Variants in ANKRD28 observed in about 807,000 individuals in gnomAD.
ANKRD28 encodes ankyrin repeat domain 28, also known as serine/threonine-protein phosphatase 6 regulatory ankyrin repeat subunit A.
ANKRD28 carries 44 observed loss-of-function variants against 126.5 expected under a neutral mutation model. The ratio of observed to expected loss-of-function variants is 0.35; its 90% CI spans 0.27 to 0.45. The LOEUF (loss-of-function observed/expected upper bound fraction) is 0.45. Ranked by LOEUF, ANKRD28 falls within the 20% of genes least tolerant of loss-of-function variation. The pLI is 1.00. For missense variants in ANKRD28, 1,110 were observed against 1,316.6 expected, an observed-to-expected ratio of 0.84 and a Z score of 2.43; for synonymous variants, 442 against 468.5, an observed-to-expected ratio of 0.94 and a Z score of 0.73.
chr3:15,772,214 A>T (rs1325936900), intron 2 of ANKRD28, among the ~76,000 whole-genome samples: 3 of 152,186 alleles, frequency 2.0e-5, no homozygotes, highest in Admixed American at 6.5e-5. Flanking sequence ...AAAATGATAA[A>T]GATGAAAACA....
chr3:15,688,062 T>C (rs370066960), intron 18 of ANKRD28, among the ~76,000 whole-genome samples: 160 of 152,252 alleles, frequency 1.1e-3, no homozygotes, highest in African/African-American at 3.8e-3. Context: ...GAGTAACCTG[T>C]GGTTCTTTTT....
At chr3:15,788,535 A>C (rs2059884980) in intron 2 of ANKRD28, among the ~76,000 whole-genome samples, 1 of 152,122 alleles carries the variant, frequency 6.6e-6, no homozygotes, top group African/African-American at 2.4e-5. Context: ...AGTAATACAA[A>C]ATGGCTTATG....
chr3:15,796,794 A>C lies in ANKRD28; in HGVS notation c.-273T>G. ...AGAAGAAATTTCACACCAACATGTCAATAACTAAAACTGAGTCCAAGCTCA... is the reference window on the plus strand; with the variant it reads ...AGAAGAAATTTCACACCAACATGTCCATAACTAAAACTGAGTCCAAGCTCA... On this transcript the variant is annotated 5_prime_UTR_variant, in exon 1 of 28. It adds an upstream start codon to the 5' untranslated region. Coordinates refer to ENST00000683139, the MANE Select transcript of ANKRD28 (RefSeq NM_001349278.2). 1 of 991,604 alleles carries C rather than the reference A, an allele frequency of 1.0e-6. No homozygotes were observed. Among genetic ancestry groups the C allele is most frequent in the Non-Finnish European group, 1.2e-6 (1 of 833,336 alleles). The allele number at this position is 991,604 out of a possible 1,614,324, so 61.4% of individuals were successfully genotyped here. A position where few individuals can be genotyped will look rare whatever the true frequency, so the allele number is the denominator to read the frequency against.
chr3:15,793,380 C>CA (rs1490943685), intron 2 of ANKRD28, among the ~76,000 whole-genome samples: 1 of 152,128 alleles, frequency 6.6e-6, no homozygotes, highest in Non-Finnish European at 1.5e-5. Flanking sequence ...AAGTTGTTGT[C>CA]AAAAACCTTT....
intron 1 of ANKRD28, among the ~76,000 whole-genome samples, chr3:15,823,625 GAAAC>G (rs2060993751): frequency 6.6e-6 from 1 of 152,002 alleles, no homozygotes; most frequent in African/African-American, 2.4e-5. Context: ...ACATCATGAG[GAAAC>G]AATAAACTAA....
Position 15,812,541 on chromosome 3 carries a change from T to C in ANKRD28, c.28-17235A>G, listed in dbSNP as rs2060737878. 6.6e-6 allele frequency among the ~76,000 whole-genome samples: 1 copy of C among 152,360 alleles called. No homozygotes were observed. The highest frequency in any genetic ancestry group is 1.9e-4 in the East Asian group (1 of 5,194). On this transcript the variant is annotated intron_variant, in intron 1 of 27. Transcript: ENST00000399451. This position sits in a 1 kb window ranked among gnomAD's most constrained non-coding sequence, Gnocchi z 4.1. The stretch of plus-strand genomic sequence containing the variant: ...TAATACTGAGGGTATCTGCTATTTG[T>C]TACCATTTTCTTAATCAAATTTTAC...
At chr3:15,801,170 A>T (rs888439913), upstream of ANKRD28, among the ~76,000 whole-genome samples, 1 of 152,128 alleles carries the variant, frequency 6.6e-6, no homozygotes, top group Non-Finnish European at 1.5e-5. The surrounding 1 kb of genome is among the most constrained non-coding windows in gnomAD (Gnocchi z 4.9). Flanking sequence ...TAATCCTTCT[A>T]TTCTTTATAC....
At chr3:15,809,276 G>A (rs1167690239) in intron 1 of ANKRD28, among the ~76,000 whole-genome samples, 2 of 152,124 alleles carry the variant, frequency 1.3e-5, no homozygotes, top group Non-Finnish European at 2.9e-5. Flanking sequence ...CCTCACCTAA[G>A]CTATCATAAC....
In ANKRD28 at chr3:15,795,205, G is replaced by A. The variant is rs1311518946; in HGVS notation, c.201+18C>T. 5 of 1,538,000 alleles carry A rather than the reference G, an allele frequency of 3.3e-6. No homozygotes were observed. In the African/African-American group the frequency reaches 5.5e-5, roughly 17 times the overall value. On this transcript the variant is annotated intron_variant, in intron 2 of 27. Transcript: ENST00000683139. ...AAAGCAGTTTTAAAGGCTGGCATCA[G>A]TGAATTAACTGTTTTACCTGAAAGT...
At position 15,735,431 on chromosome 3, in the gene ANKRD28, T is replaced by C. The variant is rs1407889716; in HGVS notation, c.619A>G (p.Ile207Val). 1 of 1,558,978 alleles carries C rather than the reference T, an allele frequency of 6.4e-7. No homozygotes were observed. Among genetic ancestry groups the C allele is most frequent in the Non-Finnish European group, 8.7e-7 (1 of 1,150,346 alleles). ...ATACCCATATATGCTGCCCAATGGATAGCACGCCTATCTTTCTTGTCAAAA... is the reference window on the plus strand; with the variant it reads ...ATACCCATATATGCTGCCCAATGGACAGCACGCCTATCTTTCTTGTCAAAA... ...NAFDKKDRRA[I>V]HWAAYMGHIE... The change falls in exon 6 of 28, where the codon ATC becomes GTC. Residue 207 changes from isoleucine to valine, a missense_variant. By Grantham distance (29) the Ile-to-Val change is conservative (BLOSUM62 3). Coordinates refer to ENST00000683139, the MANE Select transcript of ANKRD28 (RefSeq NM_001349278.2).
chr3:15,850,426 T>C (rs1357338072), intron 1 of ANKRD28, among the ~76,000 whole-genome samples: 1 of 152,044 alleles, frequency 6.6e-6, no homozygotes, highest in East Asian at 1.9e-4. Flanking sequence ...AAATGTATTC[T>C]CTCACAGTTG....
chr3:15,858,618 T>C (rs1344897543), intron 1 of ANKRD28, among the ~76,000 whole-genome samples: 2 of 152,350 alleles, frequency 1.3e-5, no homozygotes, highest in Non-Finnish European at 1.5e-5. Context: ...GACAAATTAA[T>C]GTGTAAATGT....
rs1355823413 is a variant in ANKRD28 at position 15,709,739 on chromosome 3, A to G, written c.1338-3T>C. 3.9e-6 allele frequency: 6 copies of G among 1,553,528 alleles called. No homozygotes were observed. Among genetic ancestry groups the G allele is most frequent in the Non-Finnish European group, 5.2e-6 (6 of 1,147,772 alleles). On this transcript the variant is annotated splice_region_variant and splice_polypyrimidine_tract_variant and intron_variant, in intron 12 of 27. Transcript: ENST00000683139. ...GAAGGTTTAGGCACTCCAAATTCCT[A>G]TTGAGAGAAAATACAGTTAGAAAAC...
chr3:15,814,374 T>C lies in ANKRD28; in HGVS notation c.28-19068A>G, dbSNP rs1259502251. On this transcript the variant is annotated intron_variant, in intron 1 of 27. Transcript: ENST00000399451. This position sits in a 1 kb window ranked among gnomAD's most constrained non-coding sequence, Gnocchi z 4.7. ...ATCCTAGAAATTAAGGGCTATGTTA[T>C]TTATAAATAACTAGTACCTTAACAA... 3.4e-6 allele frequency: 3 copies of C among 876,296 alleles called. No homozygotes were observed. The highest frequency in any genetic ancestry group is 3.7e-5 in the Admixed American group (1 of 27,204). 54.3% of individuals were successfully genotyped at this position (876,296 alleles called of 1,614,324 possible). A position where few individuals can be genotyped will look rare whatever the true frequency, so the allele number is the denominator to read the frequency against.
Position 15,751,743 on chromosome 3 carries a change from T to A in ANKRD28, c.351+7A>T. On this transcript the variant is annotated splice_region_variant and intron_variant, in intron 4 of 27. Transcript: ENST00000683139. ...ATAAAACATATTTACTAAGAGAAAT[T>A]TCATACCTCACTACAAGATGCAACT... 2 of 1,560,124 alleles carry A rather than the reference T, an allele frequency of 1.3e-6. No individual in the cohort carries two copies. Among genetic ancestry groups the A allele is most frequent in the Non-Finnish European group, 1.7e-6 (2 of 1,149,598 alleles).
intron 14 of ANKRD28, among the ~76,000 whole-genome samples, chr3:15,703,536 T>C (rs2125983291): frequency 6.6e-6 from 1 of 152,328 alleles, no homozygotes; most frequent in East Asian, 1.9e-4. Context: ...GGCAAGAATA[T>C]GCCCTCAAAG....
chr3:15,735,571 T>TA, intron 5 of ANKRD28, 74 bp from the exon 6 acceptor site: 1 of 1,177,494 alleles, frequency 8.5e-7, no homozygotes, highest in Non-Finnish European at 1.2e-6. Flanking sequence ...TTCTGACAGT[T>TA]ACTTATCTCA....
At chr3:15,813,383 C>A (rs974436546) in intron 1 of ANKRD28, among the ~76,000 whole-genome samples, 3 of 152,068 alleles carry the variant, frequency 2.0e-5, no homozygotes, top group African/African-American at 7.2e-5. Flanking sequence ...AAAACAAAAA[C>A]CAAAACCCCA....
intron 2 of ANKRD28, among the ~76,000 whole-genome samples, chr3:15,787,953 G>A (rs145178001): frequency 7.1e-4 from 108 of 152,250 alleles, no homozygotes; most frequent in African/African-American, 2.5e-3. Flanking sequence ...CCAATAAGCA[G>A]AATATACAAG....
Sources: gnomAD v4.1 joint callset for allele counts (sites outside exome capture counted in the v4.1 genomes callset) on GRCh38, gnomAD v4.1.1 for gene constraint, Gnocchi (gnomAD v3.1) non-coding constraint, MANE v1.5 for transcripts, NCBI Gene and HGNC (gene_info 2026-07-23, HGNC 2026-07-21) for gene names.